The following SGCZ variants were observed in gnomAD, a reference collection of about 807,000 sequenced individuals.
SGCZ encodes sarcoglycan zeta.
SGCZ carries 40 observed loss-of-function variants against 41.3 expected under a neutral mutation model. That is an observed-to-expected ratio of 0.97 (90% confidence interval 0.75 to 1.26). The LOEUF is 1.26. SGCZ is among the 50% of genes most tolerant of loss of function. The pLI, the probability that SGCZ is intolerant of heterozygous loss-of-function variation, is 0.00. For missense variants in SGCZ, 552 were observed against 369.8 expected (o/e 1.49, Z -4.04); for synonymous variants, 206 against 137.5 (o/e 1.50, Z -3.49).
intron 3 of SGCZ, among the ~76,000 whole-genome samples, chr8:14,293,522 A>G (rs1800911397): frequency 6.6e-6 from 1 of 151,968 alleles, no homozygotes; most frequent in African/African-American, 2.4e-5. Context: ...TTAACTCCGA[A>G]TGAAATTTGT....
At chr8:14,408,426 T>G (rs1799269156) in intron 2 of SGCZ, among the ~76,000 whole-genome samples, 1 of 152,028 alleles carries the variant, frequency 6.6e-6, no homozygotes, top group Admixed American at 6.6e-5. Flanking sequence ...TAATATCCAA[T>G]AAATCATGAA....
At chr8:14,498,884 A>G (rs13262626) in intron 2 of SGCZ, among the ~76,000 whole-genome samples, 72,083 of 151,364 alleles carry the variant, frequency 0.48, 17,248 homozygotes, top group Admixed American at 0.54. Flanking sequence ...TCTTAGTTTC[A>G]GGACATTTCG....
intron 1 of SGCZ, among the ~76,000 whole-genome samples, chr8:15,066,557 A>G (rs552674360): frequency 6.6e-6 from 1 of 152,310 alleles, no homozygotes; most frequent in African/African-American, 2.4e-5. Flanking sequence ...GTCAACTTTT[A>G]TAATTCTTTC....
At chr8:15,189,263 A>C (rs1027042070) in intron 1 of SGCZ, among the ~76,000 whole-genome samples, 1 of 152,002 alleles carries the variant, frequency 6.6e-6, no homozygotes, top group African/African-American at 2.4e-5. Flanking sequence ...AACTAAGAGC[A>C]AAGAGTTTGA....
intron 1 of SGCZ, among the ~76,000 whole-genome samples, chr8:14,819,173 G>T (rs958057678): frequency 6.6e-6 from 1 of 151,760 alleles, no homozygotes; most frequent in African/African-American, 2.4e-5. Flanking sequence ...TCTAAAAGCT[G>T]CAAGAGAATA....
At chr8:14,180,003 C>G (rs1804669489) in intron 4 of SGCZ, among the ~76,000 whole-genome samples, 1 of 152,144 alleles carries the variant, frequency 6.6e-6, no homozygotes, top group Non-Finnish European at 1.5e-5. Context: ...TTAGAAGTCA[C>G]CAGAGATGCC....
At chr8:14,703,115 T>C (rs916483550) in intron 1 of SGCZ, among the ~76,000 whole-genome samples, 2 of 152,000 alleles carry the variant, frequency 1.3e-5, no homozygotes, top group African/African-American at 2.4e-5. Flanking sequence ...ATATATTCTT[T>C]TAAAGATACA....
intron 5 of SGCZ, among the ~76,000 whole-genome samples, chr8:14,155,001 C>A (rs529497900): frequency 9.2e-5 from 14 of 152,078 alleles, no homozygotes; most frequent in Non-Finnish European, 2.9e-5. Context: ...TTGCAGGTTG[C>A]GAGCAAAATA....
At chr8:14,276,731 C>T (rs1585310526) in intron 3 of SGCZ, among the ~76,000 whole-genome samples, 1 of 152,224 alleles carries the variant, frequency 6.6e-6, no homozygotes, top group East Asian at 1.9e-4. Context: ...TGATTTAATT[C>T]TACGCCACCA....
At chr8:14,985,997 G>A (rs972143408) in intron 1 of SGCZ, among the ~76,000 whole-genome samples, 6 of 152,078 alleles carry the variant, frequency 3.9e-5, no homozygotes, top group South Asian at 2.1e-4. Flanking sequence ...GTAACCACTC[G>A]TTAAATATGA....
At chr8:14,384,127 C>G (rs1000505204) in intron 2 of SGCZ, among the ~76,000 whole-genome samples, 1 of 152,004 alleles carries the variant, frequency 6.6e-6, no homozygotes, top group East Asian at 1.9e-4. Flanking sequence ...CCCGCTACCC[C>G]ACAACAGTCC....
intron 6 of SGCZ, among the ~76,000 whole-genome samples, chr8:14,104,593 G>T (rs1488549141): frequency 1.3e-5 from 2 of 152,006 alleles, no homozygotes; most frequent in East Asian, 3.9e-4. Flanking sequence ...GGAAAGGAAA[G>T]AAAGCAAATA....
Position 14,968,149 on chromosome 8 carries a change from T to C in SGCZ, c.39+269436A>G, listed in dbSNP as rs545230526. ...TGATTGTTTGACTCTAGTTTAGAGA[T>C]TGAATTACTATCAGAATCCCCCTTC... On this transcript the variant is annotated intron_variant, in intron 1 of 7. Transcript: ENST00000382080. Among the ~76,000 whole-genome samples, 58 of 152,316 alleles carry C rather than the reference T, an allele frequency of 3.8e-4. 1 individual carries two copies. The highest frequency in any genetic ancestry group is 1.2e-3 in the African/African-American group (48 of 41,586).
chr8:15,232,867 G>A (rs529448230), intron 1 of SGCZ, among the ~76,000 whole-genome samples: 126 of 150,828 alleles, frequency 8.4e-4, no homozygotes, highest in African/African-American at 2.9e-3. Context: ...CACAAAAAAT[G>A]AGTGATGTGA....
chr8:14,515,651 T>C (rs766398698), intron 2 of SGCZ, among the ~76,000 whole-genome samples: 2 of 152,096 alleles, frequency 1.3e-5, no homozygotes, highest in Non-Finnish European at 2.9e-5. Flanking sequence ...ATCTGTAAGT[T>C]TATGTGAGTG....
chr8:14,525,454 C>T (rs1340705070), intron 2 of SGCZ, among the ~76,000 whole-genome samples: 8 of 151,994 alleles, frequency 5.3e-5, no homozygotes, highest in Admixed American at 1.3e-4. Flanking sequence ...TTTCATCTTT[C>T]GGTGACACTT....
At chr8:14,849,872 C>G (rs143518711) in intron 1 of SGCZ, among the ~76,000 whole-genome samples, 167 of 152,202 alleles carry the variant, frequency 1.1e-3, no homozygotes, top group African/African-American at 3.8e-3. Flanking sequence ...ACGATAGAAA[C>G]TTTTTAAATT....
chr8:14,257,105 G>T (rs1280587275), intron 3 of SGCZ, among the ~76,000 whole-genome samples: 1 of 152,094 alleles, frequency 6.6e-6, no homozygotes, highest in Non-Finnish European at 1.5e-5. Flanking sequence ...AAAGTGGACA[G>T]ATTGCTTTAA....
At chr8:14,776,245 T>C (rs1388484766) in intron 1 of SGCZ, among the ~76,000 whole-genome samples, 1 of 152,146 alleles carries the variant, frequency 6.6e-6, no homozygotes, top group Non-Finnish European at 1.5e-5. Context: ...ATGTCAATGG[T>C]GGGGCCACAT....
Sources: allele counts gnomAD v4.1 joint callset (sites outside exome capture counted in the v4.1 genomes callset), GRCh38; gene constraint gnomAD v4.1.1; transcripts MANE v1.5; gene names NCBI Gene and HGNC (gene_info 2026-07-23, HGNC 2026-07-21).